Variants in UXS1 observed in about 807,000 individuals in gnomAD.
UXS1 encodes UDP-glucuronate decarboxylase 1, also known as UDP-glucuronic acid decarboxylase 1.
UXS1 carries 33 observed loss-of-function variants against 62.6 expected under a neutral mutation model. The observed-to-expected ratio is 0.53, with a 90% CI of 0.40 to 0.70. The LOEUF (loss-of-function observed/expected upper bound fraction) is 0.70. UXS1 is among the 30% of genes least tolerant of loss of function. UXS1 has a pLI of 0.00. For missense variants in UXS1, 434 were observed against 556.3 expected (o/e 0.78, Z 2.21); for synonymous variants, 213 against 206.8 (o/e 1.03, Z -0.26).
chr2:106,099,552 T>C (rs539032210), intron 12 of UXS1, among the ~76,000 whole-genome samples: 45 of 152,270 alleles, frequency 3.0e-4, no homozygotes, highest in African/African-American at 1.1e-3. Context: ...TGACGGAAAT[T>C]TGCAAGAAAG....
intron 5 of UXS1, among the ~76,000 whole-genome samples, chr2:106,147,607 AT>A (rs1388413573): frequency 6.6e-6 from 1 of 152,052 alleles, no homozygotes; most frequent in Non-Finnish European, 1.5e-5. Context: ...AAAATACAGA[AT>A]CTCTTAACCC....
chr2:106,146,820 C>A (rs1307043982), intron 5 of UXS1, among the ~76,000 whole-genome samples: 1 of 121,930 alleles, frequency 8.2e-6, no homozygotes, highest in East Asian at 2.3e-4. Flanking sequence ...TGAAAAAGAT[C>A]AAAAATGGCA....
chr2:106,096,225 T>C (rs1677078747), intron 14 of UXS1, among the ~76,000 whole-genome samples: 1 of 151,598 alleles, frequency 6.6e-6, no homozygotes, highest in Non-Finnish European at 1.5e-5. Context: ...GGAGAGGGAG[T>C]GTATGTGTGA....
chr2:106,186,349 T>A (rs13014335), intron 1 of UXS1, among the ~76,000 whole-genome samples: 1 of 151,866 alleles, frequency 6.6e-6, no homozygotes, highest in Non-Finnish European at 1.5e-5. Flanking sequence ...TTAGCAAGCA[T>A]TGTTATAAAA....
At chr2:106,152,655 A>G (rs1682130489) in intron 5 of UXS1, among the ~76,000 whole-genome samples, 1 of 152,186 alleles carries the variant, frequency 6.6e-6, no homozygotes, top group South Asian at 2.1e-4. Flanking sequence ...AAGAACAGCA[A>G]GAGTCTGCAA....
At chr2:106,176,466 G>C (rs1469594580) in intron 1 of UXS1, among the ~76,000 whole-genome samples, 2 of 152,214 alleles carry the variant, frequency 1.3e-5, no homozygotes, top group South Asian at 2.1e-4. Context: ...AAATAAGAAA[G>C]GGGGATGTGT....
chr2:106,154,590 A>T (rs550166621), intron 5 of UXS1, among the ~76,000 whole-genome samples: 40 of 152,306 alleles, frequency 2.6e-4, no homozygotes, highest in African/African-American at 9.4e-4. Flanking sequence ...CTCCCCTCAG[A>T]GCCTTCAGAG....
At chr2:106,112,952 G>A (rs1678740383) in intron 9 of UXS1, among the ~76,000 whole-genome samples, 187 bp from the exon 10 acceptor site, 1 of 152,148 alleles carries the variant, frequency 6.6e-6, no homozygotes. Flanking sequence ...ACTACACAGG[G>A]CTATACCAAA....
intron 1 of UXS1, among the ~76,000 whole-genome samples, chr2:106,191,234 T>C (rs531537988): frequency 6.6e-6 from 1 of 152,168 alleles, no homozygotes; most frequent in Non-Finnish European, 1.5e-5. Context: ...TTGAGTTCTG[T>C]TCCCGAAACA....
chr2:106,114,183 G>A (rs538572845), intron 9 of UXS1, among the ~76,000 whole-genome samples: 3 of 152,306 alleles, frequency 2.0e-5, no homozygotes, highest in Non-Finnish European at 4.4e-5. Context: ...CACAAACCCA[G>A]GCGGGTTTTT....
At chr2:106,192,176 A>G (rs932519465) in intron 1 of UXS1, among the ~76,000 whole-genome samples, 1 of 152,252 alleles carries the variant, frequency 6.6e-6, no homozygotes, top group Non-Finnish European at 1.5e-5. Flanking sequence ...GTTAAGTTTT[A>G]GCACCCCATG....
intron 6 of UXS1, among the ~76,000 whole-genome samples, chr2:106,144,033 G>A (rs1416910232): frequency 6.6e-6 from 1 of 152,172 alleles, no homozygotes; most frequent in Non-Finnish European, 1.5e-5. Flanking sequence ...AAAGTCCTGT[G>A]ACAGCACCAC....
chr2:106,107,109 G>T (rs1420230058), intron 10 of UXS1, among the ~76,000 whole-genome samples: 1 of 152,136 alleles, frequency 6.6e-6, no homozygotes, highest in East Asian at 1.9e-4. Context: ...GTGGGTTTGG[G>T]GCTGTGCTGC....
chr2:106,173,944 T>C (rs1228144808), intron 1 of UXS1, among the ~76,000 whole-genome samples: 2 of 152,134 alleles, frequency 1.3e-5, no homozygotes, highest in African/African-American at 4.8e-5. Context: ...TTCTTGTCCT[T>C]GAAGGAAAAT....
chr2:106,096,907 C>G, intron 13 of UXS1, 86 bp from the exon 14 acceptor site: 2 of 1,317,682 alleles, frequency 1.5e-6, no homozygotes, highest in Non-Finnish European at 1.1e-6. Context: ...AAGGCAAACC[C>G]CATATGTGGT....
At chr2:106,136,965 C>CAAAAAAAAAAAAAAAAAAAAA (rs397701050) in intron 6 of UXS1, among the ~76,000 whole-genome samples, 3 of 54,176 alleles carry the variant, frequency 5.5e-5, no homozygotes, top group African/African-American at 2.2e-4. Context: ...AGAACACACA[C>CAAAAAAAAAAAAAAAAAAAAA]AAAAAAAAAA....
intron 9 of UXS1, among the ~76,000 whole-genome samples, chr2:106,113,053 A>C (rs1425713490): frequency 6.6e-6 from 1 of 152,170 alleles, no homozygotes; most frequent in Non-Finnish European, 1.5e-5. Context: ...AAGGAGGAAA[A>C]ACGTGTATTT....
intron 5 of UXS1, among the ~76,000 whole-genome samples, chr2:106,151,780 A>G (rs533812060): frequency 6.6e-6 from 1 of 152,368 alleles, no homozygotes; most frequent in South Asian, 2.1e-4. Flanking sequence ...CAATAGAAAT[A>G]ACCTCAAAAG....
At chr2:106,176,439 T>C (rs1177000300) in intron 1 of UXS1, among the ~76,000 whole-genome samples, 3 of 152,206 alleles carry the variant, frequency 2.0e-5, no homozygotes, top group Non-Finnish European at 2.9e-5. Flanking sequence ...AAGATACTGC[T>C]CTGTGTTTAA....
Sources: gnomAD v4.1 joint callset for allele counts (sites outside exome capture counted in the v4.1 genomes callset) on GRCh38, gnomAD v4.1.1 for gene constraint, MANE v1.5 for transcripts, NCBI Gene and HGNC (gene_info 2026-07-23, HGNC 2026-07-21) for gene names.